BMP5: variants seen among roughly 807,000 people sequenced by gnomAD.
The protein encoded by BMP5 is bone morphogenetic protein 5.
In BMP5, 23 loss-of-function variants were observed where a neutral mutation model predicts 46.6. The observed-to-expected ratio is 0.49, with a 90% confidence interval of 0.35 to 0.70. BMP5 has a LOEUF of 0.70. Ranked by LOEUF, BMP5 falls within the 30% of genes least tolerant of loss-of-function variation. The pLI is 0.00. For synonymous variants in BMP5, 204 were observed against 191.9 expected, an observed-to-expected ratio of 1.06 and a Z score of -0.52; for missense variants, 545 against 565.6, an observed-to-expected ratio of 0.96 and a Z score of 0.37.
intron 4 of BMP5, among the ~76,000 whole-genome samples, chr6:55,766,240 T>C (rs1483944291): frequency 6.6e-6 from 1 of 152,144 alleles, no homozygotes; most frequent in Non-Finnish European, 1.5e-5. Context: ...TGCTCCTCTT[T>C]GACATCTCTG....
At chr6:55,774,582 A>T (rs1485722228) in intron 3 of BMP5, among the ~76,000 whole-genome samples, 2 of 152,012 alleles carry the variant, frequency 1.3e-5, no homozygotes, top group African/African-American at 4.8e-5. Context: ...AATTTAAAAA[A>T]ATATTAGCTA....
intron 2 of BMP5, among the ~76,000 whole-genome samples, chr6:55,797,769 A>T (rs557045574): frequency 6.6e-6 from 1 of 151,756 alleles, no homozygotes; most frequent in Non-Finnish European, 1.5e-5. Flanking sequence ...GGCGCCTGCC[A>T]CCACGCCCGG....
At chr6:55,850,251 A>C (rs1777198406) in intron 1 of BMP5, among the ~76,000 whole-genome samples, 1 of 152,130 alleles carries the variant, frequency 6.6e-6, no homozygotes, top group Non-Finnish European at 1.5e-5. Flanking sequence ...GCTAATACAT[A>C]TAAATCGCTT....
At chr6:55,793,951 C>A (rs973963682) in intron 3 of BMP5, among the ~76,000 whole-genome samples, 2 of 151,976 alleles carry the variant, frequency 1.3e-5, no homozygotes, top group Non-Finnish European at 2.9e-5. Context: ...GTGTAACCAC[C>A]ACAACTATAT....
intron 2 of BMP5, among the ~76,000 whole-genome samples, chr6:55,799,294 A>T (rs1314881904): frequency 6.6e-6 from 1 of 152,190 alleles, no homozygotes; most frequent in African/African-American, 2.4e-5. Context: ...CTTCATTTTG[A>T]CCTATGAGTT....
At chr6:55,765,289 G>A (rs957545226) in intron 4 of BMP5, among the ~76,000 whole-genome samples, 1 of 151,998 alleles carries the variant, frequency 6.6e-6, no homozygotes, top group African/African-American at 2.4e-5. Context: ...CACAGATATA[G>A]CTATAAAAGC....
intron 4 of BMP5, among the ~76,000 whole-genome samples, chr6:55,771,113 T>C (rs1404868326): frequency 6.6e-6 from 1 of 151,812 alleles, no homozygotes. Context: ...CTTCAGTTTG[T>C]AAAAAACACA....
At chr6:55,799,807 A>G (rs1775800813) in intron 2 of BMP5, among the ~76,000 whole-genome samples, 1 of 152,114 alleles carries the variant, frequency 6.6e-6, no homozygotes, top group African/African-American at 2.4e-5. Flanking sequence ...TCTGTTCCTA[A>G]GTCCCTATTA....
At chr6:55,825,443 G>A (rs10080872) in intron 1 of BMP5, among the ~76,000 whole-genome samples, 4,708 of 151,912 alleles carry the variant, frequency 0.031, 243 homozygotes, top group African/African-American at 0.11. Flanking sequence ...TTAATGGACT[G>A]ATAGTGAAAA....
intron 3 of BMP5, among the ~76,000 whole-genome samples, chr6:55,774,982 T>TG (rs1775139492): frequency 1.3e-5 from 2 of 151,958 alleles, no homozygotes; most frequent in African/African-American, 4.8e-5. Flanking sequence ...CTGAAAGGAA[T>TG]TCAGAAGAGG....
At chr6:55,810,505 A>G (rs1014724446) in intron 2 of BMP5, among the ~76,000 whole-genome samples, 10 of 152,200 alleles carry the variant, frequency 6.6e-5, no homozygotes, top group Non-Finnish European at 4.4e-5. Flanking sequence ...CCAGGTATAC[A>G]CCCAGGAGGT....
At chr6:55,786,807 C>A (rs1262583920) in intron 3 of BMP5, among the ~76,000 whole-genome samples, 1 of 151,578 alleles carries the variant, frequency 6.6e-6, no homozygotes, top group Admixed American at 6.6e-5. Flanking sequence ...TAGATACTCT[C>A]TCATTTGTTT....
intron 3 of BMP5, among the ~76,000 whole-genome samples, chr6:55,780,470 A>AAAAAAAAAAAAAAAAG (rs1554181020): frequency 3.0e-5 from 4 of 131,718 alleles, no homozygotes; most frequent in Admixed American, 8.1e-5. Flanking sequence ...AAAAAAAAAA[A>AAAAAAAAAAAAAAAAG]AAAGAAAGAA....
At chr6:55,772,680 A>T in intron 4 of BMP5, 1 of 813,194 alleles carries the variant, frequency 1.2e-6, no homozygotes, top group Non-Finnish European at 1.5e-6. Context: ...CGTTGTAATA[A>T]GGCACTAGTG....
chr6:55,757,267 T>G (rs1013261244), intron 6 of BMP5, among the ~76,000 whole-genome samples: 1 of 151,906 alleles, frequency 6.6e-6, no homozygotes, highest in Non-Finnish European at 1.5e-5. Flanking sequence ...TAGATCCATA[T>G]CTAAGGAAGC....
intron 2 of BMP5, among the ~76,000 whole-genome samples, chr6:55,796,723 T>C (rs1378093137): frequency 6.7e-6 from 1 of 148,412 alleles, no homozygotes; most frequent in East Asian, 2.1e-4. Context: ...ATTGTTCAAT[T>C]CTCACCTATG....
chr6:55,847,260 C>T (rs1777119938), intron 1 of BMP5, among the ~76,000 whole-genome samples: 1 of 151,954 alleles, frequency 6.6e-6, no homozygotes, highest in Non-Finnish European at 1.5e-5. Flanking sequence ...ATATCCATGA[C>T]TTCTCATCTT....
rs151070933 is a variant in BMP5 at position 55,837,916 on chromosome 6, C to T, written c.491-18069G>A. The stretch of plus-strand genomic sequence containing the variant: ...AAATGTGAGAACATGCGTTGCTTGT[C>T]TTTCTGTGCCTGGATCATTTTACTT... On this transcript the variant is annotated intron_variant, in intron 1 of 6. Transcript: ENST00000370830. Among the ~76,000 whole-genome samples the T allele has an allele frequency of 4.4e-3, 674 of 152,250 alleles. 3 individuals are homozygous for T. Among genetic ancestry groups the T allele is most frequent in the Admixed American group, 7.7e-3 (118 of 15,290 alleles).
intron 4 of BMP5, among the ~76,000 whole-genome samples, chr6:55,761,441 C>T (rs75209418): frequency 1.3e-5 from 2 of 152,058 alleles, no homozygotes; most frequent in Non-Finnish European, 2.9e-5. Context: ...TTACAAGGCT[C>T]TTTACATTTT....
Sources: gnomAD v4.1 joint callset for allele counts (sites outside exome capture counted in the v4.1 genomes callset) on GRCh38, gnomAD v4.1.1 for gene constraint, MANE v1.5 for transcripts, NCBI Gene and HGNC (gene_info 2026-07-23, HGNC 2026-07-21) for gene names.